FYB2: variants seen among roughly 807,000 people sequenced by gnomAD.
FYB2 encodes FYN binding protein 2.
Under a neutral mutation model 94.1 loss-of-function variants are expected in FYB2, and 103 were observed. That is an observed-to-expected ratio of 1.09 (90% confidence interval 0.93 to 1.29). The LOEUF (loss-of-function observed/expected upper bound fraction) is 1.29. FYB2 is among the 50% of genes most tolerant of loss of function. The pLI is 0.00. For missense variants in FYB2, 896 were observed against 841.5 expected, an observed-to-expected ratio of 1.06 and a Z score of -0.80; for synonymous variants, 293 against 287.9, an observed-to-expected ratio of 1.02 and a Z score of -0.18.
chr1:56,760,352 A>G (rs1645462757), intron 5 of FYB2, among the ~76,000 whole-genome samples: 2 of 152,132 alleles, frequency 1.3e-5, no homozygotes. Flanking sequence ...CATATAATAC[A>G]CTGACAAAAT....
At chr1:56,812,009 G>T (rs1646780346) in intron 1 of FYB2, among the ~76,000 whole-genome samples, 2 of 152,128 alleles carry the variant, frequency 1.3e-5, no homozygotes, top group African/African-American at 4.8e-5. Context: ...ATCAAAAGTG[G>T]AGGGTAGAGG....
intron 4 of FYB2, among the ~76,000 whole-genome samples, chr1:56,782,431 A>G (rs1031054323): frequency 1.3e-5 from 2 of 152,132 alleles, no homozygotes; most frequent in African/African-American, 4.8e-5. Flanking sequence ...TTGATAAGGC[A>G]TCTATTCCTC....
chr1:56,728,656 A>C (rs1644636967), intron 15 of FYB2, among the ~76,000 whole-genome samples: 1 of 152,114 alleles, frequency 6.6e-6, no homozygotes, highest in African/African-American at 2.4e-5. Context: ...TTACAGGTAG[A>C]ACTATTCTTT....
At chr1:56,814,545 A>G (rs762777628) in intron 1 of FYB2, among the ~76,000 whole-genome samples, 21 of 152,222 alleles carry the variant, frequency 1.4e-4, no homozygotes, top group Non-Finnish European at 2.9e-4. Context: ...AAACAACACA[A>G]TTCAAGAGGA....
intron 15 of FYB2, among the ~76,000 whole-genome samples, chr1:56,733,937 T>G (rs1644770769): frequency 6.6e-6 from 1 of 152,154 alleles, no homozygotes; most frequent in Non-Finnish European, 1.5e-5. Flanking sequence ...GTCCACTTGG[T>G]GCAGAGCTGA....
At chr1:56,787,355 C>A in intron 3 of FYB2, 147 bp from the exon 4 acceptor site, 1 of 876,592 alleles carries the variant, frequency 1.1e-6, no homozygotes, top group Non-Finnish European at 1.8e-6. Context: ...TCCACCCCAG[C>A]ACCCAGGGGA....
chr1:56,787,039 G>T (rs184239811), intron 4 of FYB2, 136 bp downstream of exon 4: 4 of 911,418 alleles, frequency 4.4e-6, no homozygotes, highest in Non-Finnish European at 7.0e-6. Flanking sequence ...ACACTTTGTT[G>T]CTTATAAGTT....
intron 4 of FYB2, among the ~76,000 whole-genome samples, chr1:56,783,334 A>G (rs963654380): frequency 2.6e-5 from 4 of 152,164 alleles, no homozygotes; most frequent in African/African-American, 9.7e-5. Flanking sequence ...TGACTTTAGA[A>G]CCTGCACTTG....
At chr1:56,813,506 C>T (rs1444969959) in intron 1 of FYB2, among the ~76,000 whole-genome samples, 2 of 152,174 alleles carry the variant, frequency 1.3e-5, no homozygotes, top group African/African-American at 2.4e-5. Flanking sequence ...TCCCATGAAA[C>T]ATGAGGATTA....
intron 16 of FYB2, among the ~76,000 whole-genome samples, chr1:56,725,593 C>T (rs977467113): frequency 2.2e-4 from 33 of 152,030 alleles, no homozygotes; most frequent in Non-Finnish European, 3.1e-4. Flanking sequence ...TTATGCTGTG[C>T]AAATGTATGT....
chr1:56,800,771 GC>G (rs1172093657), intron 1 of FYB2, among the ~76,000 whole-genome samples: 1 of 152,146 alleles, frequency 6.6e-6, no homozygotes, highest in Non-Finnish European at 1.5e-5. Context: ...TATGCCACCT[GC>G]TGTCCCTCAG....
At chr1:56,778,279 A>G (rs1197468096) in intron 4 of FYB2, among the ~76,000 whole-genome samples, 1 of 152,076 alleles carries the variant, frequency 6.6e-6, no homozygotes, top group African/African-American at 2.4e-5. Context: ...ACACCACAAT[A>G]CTTGTTGTAT....
At chr1:56,799,004 G>A in intron 1 of FYB2, among the ~76,000 whole-genome samples, 1 of 152,096 alleles carries the variant, frequency 6.6e-6, no homozygotes, top group East Asian at 1.9e-4. Context: ...CTCTTCTTGG[G>A]AAGATATTTT....
At chr1:56,767,767 T>A (rs983811907) in intron 5 of FYB2, 62 bp downstream of exon 5, 36 of 1,260,364 alleles carry the variant, frequency 2.9e-5, no homozygotes, top group Non-Finnish European at 4.0e-5. Context: ...AGGGAAAATA[T>A]CATTTTTGAC....
At chr1:56,783,121 G>A (rs1335819970) in intron 4 of FYB2, among the ~76,000 whole-genome samples, 6 of 152,202 alleles carry the variant, frequency 3.9e-5, no homozygotes, top group Admixed American at 3.9e-4. Flanking sequence ...GAGGTAACAA[G>A]GGATGGAGAG....
chr1:56,792,691 C>T lies in FYB2; in HGVS notation c.122G>A (p.Gly41Glu). 6.2e-7 allele frequency: 1 copy of T among 1,614,026 alleles called. No individual in the cohort carries two copies. Among genetic ancestry groups the T allele is most frequent in the Non-Finnish European group, 8.5e-7 (1 of 1,180,002 alleles). Reference sequence around the variant, plus strand: ...CAAAATTTGAGTTGACTGTGTGCCTCCAATGTCACCCTTTGGAGAAACACC... The same window carrying T: ...CAAAATTTGAGTTGACTGTGTGCCTTCAATGTCACCCTTTGGAGAAACACC... Reference protein sequence around the residue: ...PAGVSPKGDIGGTQSTQILAN... With the variant: ...PAGVSPKGDIEGTQSTQILAN... Residue 41 changes from glycine to glutamate, a missense_variant, in exon 2 of 20, where the codon GGA becomes GAA. By Grantham distance (98) the Gly-to-Glu change is moderately conservative (BLOSUM62 -2). Coordinates refer to ENST00000343433, the MANE Select transcript of FYB2 (RefSeq NM_001004303.5).
In FYB2 at chr1:56,792,660, A is replaced by G. The variant is rs761799664; in HGVS notation, c.153T>C (p.Asn51=). Residue 51 remains asparagine, a synonymous_variant, in exon 2 of 20, where the codon AAT becomes AAC. Transcript: ENST00000343433. ...GGTQSTQILA[N]GKPLSSNHKQ... is the part of the protein sequence containing the mutation. ...TGTGGTTGGATGAGAGGGGTTTCCC[A>G]TTGGCCAAAATTTGAGTTGACTGTG... 1.2e-6 allele frequency: 2 copies of G among 1,613,912 alleles called. No individual in the cohort carries two copies. The highest frequency in any genetic ancestry group is 1.6e-4 in the Middle Eastern group (1 of 6,082).
chr1:56,775,229 A>G (rs1223834221), intron 4 of FYB2, among the ~76,000 whole-genome samples: 1 of 152,112 alleles, frequency 6.6e-6, no homozygotes, highest in Non-Finnish European at 1.5e-5. Context: ...CTACAACAAC[A>G]TACAACAAAT....
upstream of FYB2, among the ~76,000 whole-genome samples, chr1:56,823,194 C>T (rs551639629): frequency 2.5e-4 from 38 of 152,214 alleles, no homozygotes; most frequent in Middle Eastern, 3.4e-3. Context: ...CCTGGCCATG[C>T]GGAGAGTACA....
Sources: gnomAD v4.1 joint callset for allele counts (sites outside exome capture counted in the v4.1 genomes callset) on GRCh38, gnomAD v4.1.1 for gene constraint, MANE v1.5 for transcripts, NCBI Gene and HGNC (gene_info 2026-07-23, HGNC 2026-07-21) for gene names.